Variants in BMP2K observed in about 807,000 individuals in gnomAD.
BMP2K encodes BMP2 inducible kinase, also known as BMP-2-inducible protein kinase.
Under a neutral mutation model 116.0 loss-of-function variants are expected in BMP2K, and 74 were observed. The ratio of observed to expected loss-of-function variants is 0.64; its 90% CI spans 0.53 to 0.77. The LOEUF is 0.77. Ranked by LOEUF, BMP2K falls within the 30% of genes least tolerant of loss-of-function variation. The pLI is 0.00. For missense variants in BMP2K, 1,365 were observed against 1,403.6 expected (o/e 0.97, Z 0.44); for synonymous variants, 486 against 502.5 (o/e 0.97, Z 0.44).
intron 1 of BMP2K, among the ~76,000 whole-genome samples, chr4:78,792,930 G>A (rs1275923629): frequency 1.3e-5 from 2 of 152,246 alleles, no homozygotes; most frequent in Middle Eastern, 6.8e-3. Flanking sequence ...ACTTACCTGT[G>A]TGAGGCTAAA....
intron 1 of BMP2K, among the ~76,000 whole-genome samples, chr4:78,811,411 T>A (rs1729084409): frequency 6.6e-6 from 1 of 152,228 alleles, no homozygotes; most frequent in African/African-American, 2.4e-5. Context: ...ATGCTATTAA[T>A]TTATATTAAA....
Position 78,873,975 on chromosome 4 carries a change from C to G in BMP2K, c.1793+1177C>G, listed in dbSNP as rs529058526. On this transcript the variant is annotated intron_variant, in intron 13 of 15. Transcript: ENST00000502613. Reference sequence around the variant, plus strand: ...CAGGCGGATCACGAGGTCAGGAGATCAAGACCATCCTAGCCAACATGGTGA... The same window carrying G: ...CAGGCGGATCACGAGGTCAGGAGATGAAGACCATCCTAGCCAACATGGTGA... Among the ~76,000 whole-genome samples, 211 of 152,080 alleles carry G rather than the reference C, an allele frequency of 1.4e-3. 1 individual carries two copies. Among genetic ancestry groups the G allele is most frequent in the African/African-American group, 4.9e-3 (202 of 41,474 alleles).
At chr4:78,794,085 G>A (rs1012423195) in intron 1 of BMP2K, among the ~76,000 whole-genome samples, 2 of 152,112 alleles carry the variant, frequency 1.3e-5, no homozygotes, top group African/African-American at 2.4e-5. Flanking sequence ...CCAAAAGGCC[G>A]TGTGACCAAA....
At chr4:78,845,892 G>A (rs1240683412) in intron 5 of BMP2K, among the ~76,000 whole-genome samples, 3 of 151,486 alleles carry the variant, frequency 2.0e-5, no homozygotes, top group African/African-American at 4.8e-5. Context: ...AGATTTCTAC[G>A]CTACATACTA....
At chr4:78,851,842 C>T (rs3796682) in intron 7 of BMP2K, among the ~76,000 whole-genome samples, 9,016 of 152,066 alleles carry the variant, frequency 0.059, 376 homozygotes, top group East Asian at 0.22. Flanking sequence ...ATAAGCTAGA[C>T]ATTTAATCCC....
chr4:78,783,043 C>T (rs867491801), intron 1 of BMP2K, among the ~76,000 whole-genome samples: 1 of 152,084 alleles, frequency 6.6e-6, no homozygotes, highest in Admixed American at 6.6e-5. Context: ...TTTTAAGTTC[C>T]GATTTGGTTA....
intron 15 of BMP2K, among the ~76,000 whole-genome samples, chr4:78,893,191 G>C (rs1229527025): frequency 2.6e-5 from 4 of 152,158 alleles, no homozygotes; most frequent in Admixed American, 1.3e-4. Context: ...ATCTTCACCA[G>C]GAACAGATTC....
chr4:78,814,350 T>C (rs1729228014), intron 1 of BMP2K, among the ~76,000 whole-genome samples: 1 of 152,208 alleles, frequency 6.6e-6, no homozygotes, highest in African/African-American at 2.4e-5. Flanking sequence ...AATCGTTTCA[T>C]ATATTTGTGT....
At chr4:78,868,559 C>T (rs935327739) in intron 10 of BMP2K, among the ~76,000 whole-genome samples, 2 of 152,190 alleles carry the variant, frequency 1.3e-5, no homozygotes, top group African/African-American at 4.8e-5. Flanking sequence ...CAAAAGTCCA[C>T]AGTCCAAGGT....
At chr4:78,849,726 A>T (rs1327426608) in intron 6 of BMP2K, among the ~76,000 whole-genome samples, 1 of 151,702 alleles carries the variant, frequency 6.6e-6, no homozygotes, top group East Asian at 1.9e-4. Context: ...CCTACTTCAG[A>T]TATTTATAAT....
intron 1 of BMP2K, among the ~76,000 whole-genome samples, chr4:78,788,200 GAA>G (rs1012164994): frequency 1.3e-5 from 2 of 150,396 alleles, no homozygotes; most frequent in Non-Finnish European, 3.0e-5. Context: ...TACAGGCACA[GAA>G]AAAAAAAGTT....
rs1156889834 is a variant in BMP2K at position 78,915,692 on chromosome 4, T to C, written c.*3659T>C. 2.0e-5 allele frequency: 3 copies of C among 151,972 alleles called. No individual in the cohort carries two copies. In the East Asian group the frequency reaches 5.8e-4, roughly 29 times the overall value. 9.4% of individuals were successfully genotyped at this position (151,972 alleles called of 1,614,324 possible). A position where few individuals can be genotyped will look rare whatever the true frequency, so the allele number is the denominator to read the frequency against. On this transcript the variant is annotated 3_prime_UTR_variant, in exon 16 of 16. Coordinates refer to ENST00000502613, the MANE Select transcript of BMP2K (RefSeq NM_198892.2). ...GGAGTTAATGTGAATTTTTAAAAAA[T>C]GGAATTGCAACCACAATCATATCTA...
At chr4:78,813,217 G>T (rs1050607777) in intron 1 of BMP2K, among the ~76,000 whole-genome samples, 1 of 152,050 alleles carries the variant, frequency 6.6e-6, no homozygotes, top group Non-Finnish European at 1.5e-5. Context: ...TCAGGAAATC[G>T]TATCAGGTCT....
At chr4:78,844,095 T>C (rs1730886753) in intron 4 of BMP2K, among the ~76,000 whole-genome samples, 1 of 151,962 alleles carries the variant, frequency 6.6e-6, no homozygotes, top group African/African-American at 2.4e-5. Context: ...AAAGACATTA[T>C]GGAAAAAACA....
intron 1 of BMP2K, among the ~76,000 whole-genome samples, chr4:78,782,573 C>G (rs1399897698): frequency 1.3e-5 from 2 of 152,100 alleles, no homozygotes; most frequent in African/African-American, 4.8e-5. Context: ...CCAGAGGACT[C>G]TGTGTTTTCT....
Position 78,865,807 on chromosome 4 carries a change from T to G in BMP2K, c.1231+87T>G, listed in dbSNP as rs1402291581. The G allele has an allele frequency of 8.2e-6, 11 of 1,340,338 alleles. No individual in the cohort carries two copies. The East Asian group carries it at 2.1e-4, about 25-fold the overall frequency. The allele number at this position is 1,340,338 out of a possible 1,614,324, so 83.0% of individuals were successfully genotyped here. A position where few individuals can be genotyped will look rare whatever the true frequency, so the allele number is the denominator to read the frequency against. On this transcript the variant is annotated intron_variant, in intron 10 of 15. Coordinates refer to ENST00000502613, the MANE Select transcript of BMP2K (RefSeq NM_198892.2). The stretch of plus-strand genomic sequence containing the variant: ...TGATTTCCTGACCTCAGGTGATCCT[T>G]AATATTGTAAAGTAGATAACATAAT...
chr4:78,823,267 T>A (rs1261505182), intron 1 of BMP2K, among the ~76,000 whole-genome samples: 2 of 151,942 alleles, frequency 1.3e-5, no homozygotes, highest in African/African-American at 4.8e-5. Context: ...TTCATAGGGA[T>A]AAAATCACAT....
intron 9 of BMP2K, among the ~76,000 whole-genome samples, chr4:78,863,150 A>G (rs1731875508): frequency 6.6e-6 from 1 of 152,104 alleles, no homozygotes; most frequent in Non-Finnish European, 1.5e-5. Flanking sequence ...GCTTATTTAT[A>G]GTATGTTAAA....
intron 7 of BMP2K, among the ~76,000 whole-genome samples, chr4:78,852,577 C>T (rs1731310027): frequency 6.6e-6 from 1 of 151,810 alleles, no homozygotes; most frequent in South Asian, 2.1e-4. Context: ...TTTTAGAAAA[C>T]ATTTAGATTC....
Sources: allele counts gnomAD v4.1 joint callset (sites outside exome capture counted in the v4.1 genomes callset), GRCh38; gene constraint gnomAD v4.1.1; transcripts MANE v1.5; gene names NCBI Gene and HGNC (gene_info 2026-07-23, HGNC 2026-07-21).